Variants in DNAH11 observed in about 807,000 individuals in gnomAD.
DNAH11 encodes the protein axonemal beta dynein heavy chain 11.
In DNAH11, 442 loss-of-function variants were observed where a neutral mutation model predicts 526.0. The observed-to-expected ratio is 0.84, with a 90% CI of 0.78 to 0.91. The LOEUF (loss-of-function observed/expected upper bound fraction) is 0.91. DNAH11 is among the 40% of genes least tolerant of loss of function. DNAH11 has a pLI of 0.00. For missense variants in DNAH11, 6,989 were observed against 5,448.7 expected, an observed-to-expected ratio of 1.28 and a Z score of -8.90; for synonymous variants, 2,461 against 1,935.9, an observed-to-expected ratio of 1.27 and a Z score of -7.12.
At chr7:21,772,747 C>G (rs185438846) in intron 55 of DNAH11, among the ~76,000 whole-genome samples, 1 of 152,090 alleles carries the variant, frequency 6.6e-6, no homozygotes, top group Non-Finnish European at 1.5e-5. Context: ...TGTGGGTATT[C>G]CAAACCCACT....
At chr7:21,703,085 T>G (rs766491743) in intron 37 of DNAH11, among the ~76,000 whole-genome samples, 1 of 152,246 alleles carries the variant, frequency 6.6e-6, no homozygotes, top group Non-Finnish European at 1.5e-5. Context: ...CAGTAATCAC[T>G]GTTTGATTTC....
At chr7:21,774,182 C>T (rs1787561941) in intron 56 of DNAH11, among the ~76,000 whole-genome samples, 183 bp downstream of exon 56, 1 of 152,142 alleles carries the variant, frequency 6.6e-6, no homozygotes, top group Non-Finnish European at 1.5e-5. Context: ...GGCCGACTCA[C>T]AGCTGGATTA....
intron 66 of DNAH11, among the ~76,000 whole-genome samples, chr7:21,846,331 A>G (rs1211774272): frequency 2.0e-5 from 3 of 152,196 alleles, no homozygotes; most frequent in African/African-American, 4.8e-5. Flanking sequence ...GCTTCTCACC[A>G]TTAAGTACAA....
chr7:21,700,653 T>G (rs1441510973), intron 36 of DNAH11, among the ~76,000 whole-genome samples: 10 of 152,236 alleles, frequency 6.6e-5, no homozygotes, highest in African/African-American at 2.4e-4. Context: ...TAAAGACACA[T>G]GCACACATAT....
rs185715939 is a variant in DNAH11 at position 21,609,515 on chromosome 7, C to T, written c.3852+2782C>T. On this transcript the variant is annotated intron_variant, in intron 20 of 81. Coordinates refer to ENST00000409508, the MANE Select transcript of DNAH11 (RefSeq NM_001277115.2). ...GATTACAAGCATGAGCCACTGTGCC[C>T]GGCCATAACTGGGTATATATTTCTA... is the stretch of plus-strand genomic sequence containing the variant. Among the ~76,000 whole-genome samples, 255 of 152,152 alleles carry T rather than the reference C, an allele frequency of 1.7e-3. 1 individual carries two copies. Among genetic ancestry groups the T allele is most frequent in the African/African-American group, 5.7e-3 (235 of 41,498 alleles).
chr7:21,635,257 C>T (rs1786805437), intron 25 of DNAH11, among the ~76,000 whole-genome samples: 1 of 152,082 alleles, frequency 6.6e-6, no homozygotes, highest in African/African-American at 2.4e-5. Context: ...CCCGGGTTCA[C>T]ACCGTTCTCC....
In DNAH11 at chr7:21,787,421, A is replaced by C; in HGVS notation, c.9762A>C (p.Ala3254=). ...TGCAGGTTGATGATTTTTTGCAAGC[A>C]TTAATTAACTATGACAAAGAGCACA... ...FMGKVDDFLQ[A]LINYDKEHIP... The change falls in exon 60 of 82, where the codon GCA becomes GCC. Residue 3254 remains alanine (A), a synonymous_variant. Coordinates refer to ENST00000409508, the MANE Select transcript of DNAH11 (RefSeq NM_001277115.2). The C allele has an allele frequency of 6.2e-7, 1 of 1,607,612 alleles. No individual in the cohort carries two copies. The highest frequency in any genetic ancestry group is 8.5e-7 in the Non-Finnish European group (1 of 1,177,344).
intron 55 of DNAH11, among the ~76,000 whole-genome samples, chr7:21,770,217 G>C: frequency 6.6e-6 from 1 of 151,730 alleles, no homozygotes. Flanking sequence ...ATTTTTTTTT[G>C]ATTTTGGAAT....
chr7:21,609,207 C>CT (rs1034059168), intron 20 of DNAH11, among the ~76,000 whole-genome samples: 1 of 151,824 alleles, frequency 6.6e-6, no homozygotes, highest in Admixed American at 6.6e-5. Flanking sequence ...TTTCCTTTTC[C>CT]TTTCGTTTTT....
At chr7:21,758,951 C>T (rs1186542091) in intron 54 of DNAH11, among the ~76,000 whole-genome samples, 1 of 152,120 alleles carries the variant, frequency 6.6e-6, no homozygotes, top group Non-Finnish European at 1.5e-5. Context: ...TGATCAGAAG[C>T]CAGAAACTTG....
intron 28 of DNAH11, among the ~76,000 whole-genome samples, chr7:21,644,127 A>G (rs966834511): frequency 7.2e-5 from 11 of 152,216 alleles, no homozygotes; most frequent in Non-Finnish European, 1.3e-4. Flanking sequence ...GACAGATGGC[A>G]CTCAACTGAT....
chr7:21,677,605 TAACTCCTGACCTC>T (rs973725054), intron 30 of DNAH11, among the ~76,000 whole-genome samples: 5 of 152,140 alleles, frequency 3.3e-5, no homozygotes, highest in African/African-American at 1.2e-4. Context: ...GGCTGGTCTT[TAACTCCTGACCTC>T]AAGTGATCCA....
intron 25 of DNAH11, 108 bp downstream of exon 25, chr7:21,620,186 A>C (rs960938987): frequency 9.8e-7 from 1 of 1,015,310 alleles, no homozygotes; most frequent in Non-Finnish European, 1.4e-6. Flanking sequence ...TACAATGTGG[A>C]AAGATTAAAT....
chr7:21,742,127 C>G lies in DNAH11; in HGVS notation c.8115C>G (p.His2705Gln). Residue 2705 changes from histidine to glutamine, a missense_variant, in exon 49 of 82, where the codon CAC becomes CAG. Transcript: ENST00000409508. The stretch of plus-strand genomic sequence containing the variant: ...TTTTACCCACGGCTATTAAATTCCA[C>G]TACATCTTTAATCTGAGAGATTTAT... Reference protein sequence around the residue: ...CNFLPTAIKFHYIFNLRDLSN... With the variant: ...CNFLPTAIKFQYIFNLRDLSN... 6.2e-7 allele frequency: 1 copy of G among 1,613,872 alleles called. No homozygotes were observed. Among genetic ancestry groups the G allele is most frequent in the Non-Finnish European group, 8.5e-7 (1 of 1,179,822 alleles).
At chr7:21,857,750 G>T (rs1481109206) in intron 68 of DNAH11, among the ~76,000 whole-genome samples, 8 of 151,928 alleles carry the variant, frequency 5.3e-5, no homozygotes. Context: ...TACAACAAAT[G>T]GTGCTGGAGC....
intron 75 of DNAH11, among the ~76,000 whole-genome samples, chr7:21,882,897 T>G (rs1171430605): frequency 6.6e-6 from 1 of 152,152 alleles, no homozygotes; most frequent in Non-Finnish European, 1.5e-5. Context: ...CCTAGTTAAA[T>G]AAAAATTAAA....
At chr7:21,582,051 C>A (rs192652801) in intron 9 of DNAH11, 30 bp downstream of exon 9, 1 of 1,430,798 alleles carries the variant, frequency 7.0e-7, no homozygotes. Flanking sequence ...TCATAAAAAA[C>A]GTTTACTATG....
rs1388681524 is a variant in DNAH11 at position 21,660,020 on chromosome 7, T to C, written c.5328+989T>C. Reference sequence around the variant, plus strand: ...TTGATTTTACACTCTTAGGGGAAGATAAGGTAATTGTTTCTATTTAATAGG... The same window carrying C: ...TTGATTTTACACTCTTAGGGGAAGACAAGGTAATTGTTTCTATTTAATAGG... On this transcript the variant is annotated intron_variant, in intron 30 of 81. Coordinates refer to ENST00000409508, the MANE Select transcript of DNAH11 (RefSeq NM_001277115.2). Among the ~76,000 whole-genome samples, 15 of 152,076 alleles carry C rather than the reference T, an allele frequency of 9.9e-5. 1 individual carries two copies. Among genetic ancestry groups the C allele is most frequent in the Admixed American group, 9.8e-4 (15 of 15,242 alleles).
At chr7:21,777,866 C>A (rs1475739083) in intron 56 of DNAH11, among the ~76,000 whole-genome samples, 1 of 152,186 alleles carries the variant, frequency 6.6e-6, no homozygotes, top group East Asian at 1.9e-4. Context: ...GTGGAAACTA[C>A]AAGATTACTT....
Sources: allele counts gnomAD v4.1 joint callset (sites outside exome capture counted in the v4.1 genomes callset), GRCh38; gene constraint gnomAD v4.1.1; transcripts MANE v1.5; gene names NCBI Gene and HGNC (gene_info 2026-07-23, HGNC 2026-07-21).